KCTD16: variants seen among roughly 807,000 people sequenced by gnomAD.
The protein encoded by KCTD16 is BTB/POZ domain-containing protein KCTD16.
KCTD16 carries 13 observed loss-of-function variants against 33.2 expected under a neutral mutation model. The observed-to-expected ratio is 0.39, with a 90% confidence interval of 0.25 to 0.62. KCTD16 has a LOEUF of 0.62. Ranked by LOEUF, KCTD16 falls within the 20% of genes least tolerant of loss-of-function variation. The pLI is 0.50. For missense variants in KCTD16, 441 were observed against 525.1 expected (o/e 0.84, Z 1.57); for synonymous variants, 197 against 195.3 (o/e 1.01, Z -0.07).
At chr5:144,261,733 G>A (rs766029640) in intron 3 of KCTD16, among the ~76,000 whole-genome samples, 1 of 152,150 alleles carries the variant, frequency 6.6e-6, no homozygotes, top group Admixed American at 6.5e-5. Flanking sequence ...GCCACTGGAG[G>A]GACAATTATT....
chr5:144,377,141 T>C (rs60028036), intron 3 of KCTD16, among the ~76,000 whole-genome samples: 17,900 of 152,232 alleles, frequency 0.12, 2,709 homozygotes, highest in African/African-American at 0.35. Context: ...CTGGCCATCC[T>C]TCATGGAGCC....
intron 3 of KCTD16, chr5:144,384,316 G>T (rs1752278343): frequency 6.6e-6 from 1 of 152,170 alleles, no homozygotes; most frequent in Non-Finnish European, 1.5e-5. Context: ...TAAGGGGATA[G>T]AACTGGAGGC....
At chr5:144,351,040 G>A (rs963849545) in intron 3 of KCTD16, among the ~76,000 whole-genome samples, 4 of 152,114 alleles carry the variant, frequency 2.6e-5, no homozygotes, top group African/African-American at 4.8e-5. Flanking sequence ...AATAAAATGT[G>A]CTTTAAAAAT....
At chr5:144,362,077 G>A (rs2126917222) in intron 3 of KCTD16, among the ~76,000 whole-genome samples, 1 of 152,228 alleles carries the variant, frequency 6.6e-6, no homozygotes, top group African/African-American at 2.4e-5. Context: ...AGAATTCCAT[G>A]CTTGTTCATT....
chr5:144,321,281 A>G (rs191984156), intron 3 of KCTD16, among the ~76,000 whole-genome samples: 9 of 152,338 alleles, frequency 5.9e-5, no homozygotes, highest in African/African-American at 1.9e-4. Flanking sequence ...AATGTAGGTC[A>G]TGAATCACCT....
intron 3 of KCTD16, among the ~76,000 whole-genome samples, chr5:144,464,866 C>T (rs1206392516): frequency 2.0e-5 from 3 of 152,016 alleles, no homozygotes; most frequent in African/African-American, 7.3e-5. Context: ...GGCCCAAGTA[C>T]TGTGATAAAC....
At chr5:144,393,445 A>G (rs1403028817) in intron 3 of KCTD16, among the ~76,000 whole-genome samples, 2 of 152,216 alleles carry the variant, frequency 1.3e-5, no homozygotes. Context: ...GACGCTGGTC[A>G]GGTGACTTTC....
chr5:144,466,056 C>T (rs1754324148), intron 3 of KCTD16, among the ~76,000 whole-genome samples: 1 of 151,972 alleles, frequency 6.6e-6, no homozygotes, highest in Non-Finnish European at 1.5e-5. Context: ...TCAGGCTGGT[C>T]TCGAACTCCT....
At chr5:144,432,383 A>T (rs1331891666) in intron 3 of KCTD16, among the ~76,000 whole-genome samples, 2 of 152,172 alleles carry the variant, frequency 1.3e-5, no homozygotes, top group Non-Finnish European at 2.9e-5. Flanking sequence ...ATAGATGAAG[A>T]AACAGATTCA....
At chr5:144,330,682 T>A (rs892457845) in intron 3 of KCTD16, among the ~76,000 whole-genome samples, 1 of 152,148 alleles carries the variant, frequency 6.6e-6, no homozygotes, top group African/African-American at 2.4e-5. Context: ...TAAGACATAT[T>A]ACAACATTGA....
rs368553424 is a variant in KCTD16 at position 144,427,112 on chromosome 5, G to T, written c.833-46548G>T. Among the ~76,000 whole-genome samples the T allele has an allele frequency of 1.9e-4, 29 of 152,228 alleles. 1 individual carries two copies. In the South Asian group the frequency reaches 5.8e-3, roughly 30 times the overall value. Reference sequence around the variant, plus strand: ...ACAATGGGAGAATGTAGCTGAGTATGATTGGTAGCAGAGGAGCTCTAGGTT... The same window carrying T: ...ACAATGGGAGAATGTAGCTGAGTATTATTGGTAGCAGAGGAGCTCTAGGTT... On this transcript the variant is annotated intron_variant, in intron 3 of 3. Transcript: ENST00000512467.
chr5:144,282,500 T>C (rs1755633568), intron 3 of KCTD16, among the ~76,000 whole-genome samples: 1 of 152,196 alleles, frequency 6.6e-6, no homozygotes, highest in South Asian at 2.1e-4. Context: ...GAGGGGGCTG[T>C]GACAATGTTG....
intron 2 of KCTD16, among the ~76,000 whole-genome samples, chr5:144,183,637 G>T (rs1172726034): frequency 1.3e-5 from 2 of 152,116 alleles, no homozygotes; most frequent in African/African-American, 2.4e-5. Context: ...GACTAGTCTG[G>T]TGTCACACAT....
chr5:144,177,060 TG>T (rs1381280475), intron 2 of KCTD16, among the ~76,000 whole-genome samples: 1 of 152,194 alleles, frequency 6.6e-6, no homozygotes, highest in Non-Finnish European at 1.5e-5. Flanking sequence ...TTTTTGTTGT[TG>T]TTGTTGCAAT....
intron 3 of KCTD16, among the ~76,000 whole-genome samples, chr5:144,399,419 T>C (rs928778715): frequency 2.0e-5 from 3 of 152,180 alleles, no homozygotes; most frequent in Non-Finnish European, 2.9e-5. Context: ...CTTTCAGCTT[T>C]GTAATTTGTT....
chr5:144,465,683 A>G (rs1580985973), intron 3 of KCTD16, among the ~76,000 whole-genome samples: 1 of 151,560 alleles, frequency 6.6e-6, no homozygotes, highest in African/African-American at 2.4e-5. Flanking sequence ...CAAGTAGTTT[A>G]TGACTCATAA....
At chr5:144,322,337 CCTA>C (rs1361282696) in intron 3 of KCTD16, among the ~76,000 whole-genome samples, 4 of 152,074 alleles carry the variant, frequency 2.6e-5, no homozygotes, top group African/African-American at 9.7e-5. Flanking sequence ...CATCTTCCAT[CCTA>C]CTGTTTGGTA....
intron 3 of KCTD16, among the ~76,000 whole-genome samples, chr5:144,363,713 A>C (rs1003500318): frequency 6.6e-6 from 1 of 151,962 alleles, no homozygotes; most frequent in African/African-American, 2.4e-5. Context: ...GCCTAGTCTC[A>C]TTTCATTCTC....
intron 3 of KCTD16, among the ~76,000 whole-genome samples, chr5:144,438,613 A>C (rs1253316760): frequency 6.6e-6 from 1 of 152,208 alleles, no homozygotes; most frequent in East Asian, 1.9e-4. Context: ...TGGTTGATGC[A>C]GGATGCTCTG....
Sources: allele counts gnomAD v4.1 joint callset (sites outside exome capture counted in the v4.1 genomes callset), GRCh38; gene constraint gnomAD v4.1.1; transcripts MANE v1.5; gene names NCBI Gene and HGNC (gene_info 2026-07-23, HGNC 2026-07-21).